ARHGAP21: variants seen among roughly 807,000 people sequenced by gnomAD.
ARHGAP21 encodes rho GTPase-activating protein 21.
ARHGAP21 carries 38 observed loss-of-function variants against 164.6 expected under a neutral mutation model. The ratio of observed to expected loss-of-function variants is 0.23; its 90% CI spans 0.18 to 0.30. The LOEUF is 0.30. Ranked by LOEUF, ARHGAP21 falls within the 10% of genes least tolerant of loss-of-function variation. The probability of loss-of-function intolerance (pLI) is 1.00; values close to 1 mark genes in which losing one functional copy is unlikely to be tolerated. For synonymous variants in ARHGAP21, 766 were observed against 857.9 expected, an observed-to-expected ratio of 0.89 and a Z score of 1.87; for missense variants, 1,822 against 2,370.7, an observed-to-expected ratio of 0.77 and a Z score of 4.81.
chr10:24,710,524 A>C (rs369217580), intron 2 of ARHGAP21, among the ~76,000 whole-genome samples: 1 of 152,140 alleles, frequency 6.6e-6, no homozygotes, highest in African/African-American at 2.4e-5. Flanking sequence ...TACTTGTTCA[A>C]TTGTCTGCGC....
chr10:24,598,037 C>A (rs769037496), intron 14 of ARHGAP21, 28 bp from the exon 15 acceptor site: 2 of 1,554,096 alleles, frequency 1.3e-6, no homozygotes, highest in Non-Finnish European at 1.8e-6. Context: ...ATTAGAAAAT[C>A]AATTCTAAAC....
At chr10:24,721,752 C>A in intron 2 of ARHGAP21, 85 bp downstream of exon 2, 2 of 1,509,384 alleles carry the variant, frequency 1.3e-6, no homozygotes, top group South Asian at 2.4e-5. Context: ...CTAGTGAGGC[C>A]CCGTGGCCGG....
At chr10:24,676,155 A>G (rs1841218628) in intron 2 of ARHGAP21, among the ~76,000 whole-genome samples, 2 of 152,350 alleles carry the variant, frequency 1.3e-5, no homozygotes, top group Middle Eastern at 3.4e-3. Flanking sequence ...GTCAGGGGGA[A>G]AAAACAAAAA....
chr10:24,625,029 G>A (rs1470099380), intron 7 of ARHGAP21, among the ~76,000 whole-genome samples: 2 of 90,970 alleles, frequency 2.2e-5, no homozygotes, highest in African/African-American at 4.3e-5. Context: ...TTGCCTATTA[G>A]ATACAAAAAG....
intron 2 of ARHGAP21, among the ~76,000 whole-genome samples, chr10:24,712,641 CCA>C (rs1468552357): frequency 6.6e-6 from 1 of 152,092 alleles, no homozygotes; most frequent in East Asian, 1.9e-4. Flanking sequence ...TATTTTTGAT[CCA>C]CAGTTAGTTG....
chr10:24,668,029 G>A (rs1840359821), intron 3 of ARHGAP21, among the ~76,000 whole-genome samples: 1 of 152,064 alleles, frequency 6.6e-6, no homozygotes, highest in Non-Finnish European at 1.5e-5. Context: ...AATTTATTGA[G>A]CAATTACAGT....
intron 2 of ARHGAP21, among the ~76,000 whole-genome samples, chr10:24,671,430 T>C (rs1257590674): frequency 6.6e-6 from 1 of 152,116 alleles, no homozygotes; most frequent in Non-Finnish European, 1.5e-5. Context: ...TCCTGCTTTC[T>C]ATTACACTCA....
At chr10:24,597,415 A>G (rs753388028) in intron 16 of ARHGAP21, 32 bp downstream of exon 16, 7 of 1,599,626 alleles carry the variant, frequency 4.4e-6, no homozygotes, top group Non-Finnish European at 6.0e-6. Flanking sequence ...TTAAATCATT[A>G]TATTTATTTG....
intron 14 of ARHGAP21, among the ~76,000 whole-genome samples, chr10:24,599,905 G>A (rs541097259): frequency 4.1e-4 from 63 of 152,142 alleles, no homozygotes; most frequent in African/African-American, 1.4e-3. Flanking sequence ...AGGCCGAGGC[G>A]GGCAGATCAC....
intron 4 of ARHGAP21, among the ~76,000 whole-genome samples, chr10:24,649,559 T>G (rs1182185754): frequency 6.6e-6 from 1 of 152,166 alleles, no homozygotes; most frequent in Non-Finnish European, 1.5e-5. Context: ...AAACTGCACA[T>G]GGACATGGAT....
chr10:24,633,994 A>G (rs1208323016), intron 5 of ARHGAP21, among the ~76,000 whole-genome samples: 1 of 147,780 alleles, frequency 6.8e-6, no homozygotes, highest in Non-Finnish European at 1.5e-5. Context: ...CCCGGGTTCA[A>G]GCAATTCTCT....
intron 11 of ARHGAP21, chr10:24,605,678 G>T (rs1167041496): frequency 6.6e-6 from 1 of 152,004 alleles, no homozygotes; most frequent in Non-Finnish European, 1.5e-5. Flanking sequence ...TTAACATAAG[G>T]TTCAGTATCA....
At chr10:24,687,317 GC>G (rs747273282) in intron 2 of ARHGAP21, among the ~76,000 whole-genome samples, 1 of 152,166 alleles carries the variant, frequency 6.6e-6, no homozygotes, top group Non-Finnish European at 1.5e-5. Flanking sequence ...TTACTCTAGT[GC>G]CCAACACAAA....
chr10:24,635,224 C>A (rs1836252441), intron 4 of ARHGAP21, 121 bp from the exon 5 acceptor site: 1 of 565,840 alleles, frequency 1.8e-6, no homozygotes, highest in Non-Finnish European at 2.9e-6. Flanking sequence ...AATACATATC[C>A]TGAATTTGGA....
intron 3 of ARHGAP21, among the ~76,000 whole-genome samples, chr10:24,668,059 G>C (rs1475186754): frequency 1.3e-5 from 2 of 152,186 alleles, no homozygotes; most frequent in African/African-American, 4.8e-5. Flanking sequence ...TATGTTAAGT[G>C]TGTTACAAGT....
chr10:24,605,700 G>A (rs1482018163), intron 11 of ARHGAP21: 1 of 152,072 alleles, frequency 6.6e-6, no homozygotes. Flanking sequence ...AAAGATGTGA[G>A]TACTCCCCAA....
chr10:24,652,122 T>C (rs1201083303), intron 4 of ARHGAP21, among the ~76,000 whole-genome samples: 1 of 152,194 alleles, frequency 6.6e-6, no homozygotes, highest in Admixed American at 6.5e-5. Context: ...AATACAGATC[T>C]ATTCTTAGCT....
chr10:24,711,426 AAC>A (rs992390060), intron 2 of ARHGAP21, among the ~76,000 whole-genome samples: 2 of 152,166 alleles, frequency 1.3e-5, no homozygotes, highest in African/African-American at 4.8e-5. Flanking sequence ...ATCATTCCTA[AAC>A]ACAGTCTACT....
At chr10:24,673,291 C>T (rs1034379116) in intron 2 of ARHGAP21, among the ~76,000 whole-genome samples, 2 of 152,148 alleles carry the variant, frequency 1.3e-5, no homozygotes, top group Non-Finnish European at 2.9e-5. Flanking sequence ...ACTTACAAAG[C>T]TACAGTTATC....
Sources: gnomAD v4.1 joint callset for allele counts (sites outside exome capture counted in the v4.1 genomes callset) on GRCh38, gnomAD v4.1.1 for gene constraint, MANE v1.5 for transcripts, NCBI Gene and HGNC (gene_info 2026-07-23, HGNC 2026-07-21) for gene names.